NAA15: variants seen among roughly 807,000 people sequenced by gnomAD.
NAA15 encodes the protein N-terminal acetyltransferase.
Under a neutral mutation model 114.0 loss-of-function variants are expected in NAA15, and 34 were observed. The ratio of observed to expected loss-of-function variants is 0.30; its 90% confidence interval spans 0.23 to 0.40. The LOEUF (loss-of-function observed/expected upper bound fraction) is 0.40. Among genes scored for constraint, NAA15 ranks in the 10% least tolerant of loss-of-function variants. The pLI, the probability that NAA15 is intolerant of heterozygous loss-of-function variation, is 1.00. For missense variants in NAA15, 658 were observed against 1,004.5 expected (o/e 0.66, Z 4.66); for synonymous variants, 340 against 338.0 (o/e 1.01, Z -0.06).
intron 14 of NAA15, among the ~76,000 whole-genome samples, chr4:139,368,318 T>G (rs1748341427): frequency 6.6e-6 from 1 of 152,198 alleles, no homozygotes; most frequent in Non-Finnish European, 1.5e-5. Context: ...GGTTCATGCC[T>G]GTAGTCCTAA....
intron 7 of NAA15, among the ~76,000 whole-genome samples, chr4:139,350,931 T>C (rs981254235): frequency 6.6e-6 from 1 of 152,058 alleles, no homozygotes; most frequent in Admixed American, 6.6e-5. Flanking sequence ...AACCAAGGCT[T>C]TTTCAGAACT....
chr4:139,319,802 T>A (rs1033639064), intron 1 of NAA15, among the ~76,000 whole-genome samples: 2 of 152,228 alleles, frequency 1.3e-5, no homozygotes. Flanking sequence ...AGCTCAGCTG[T>A]GGTGCTGATG....
At chr4:139,335,208 C>G (rs1747159568) in intron 2 of NAA15, among the ~76,000 whole-genome samples, 1 of 152,094 alleles carries the variant, frequency 6.6e-6, no homozygotes, top group Non-Finnish European at 1.5e-5. Flanking sequence ...AAATTTATCT[C>G]TCTTTTTCCA....
intron 5 of NAA15, 95 bp from the exon 6 acceptor site, chr4:139,344,070 AGTTTTATCAACCGGATGTTAT>A: frequency 2.5e-6 from 2 of 809,280 alleles, no homozygotes; most frequent in Non-Finnish European, 1.9e-6. Context: ...TTTAAAAATT[AGTTTTATCAACCGGATGTTAT>A]CCTTTGACTT....
chr4:139,306,852 C>G (rs1265433201), intron 1 of NAA15, among the ~76,000 whole-genome samples: 2 of 152,136 alleles, frequency 1.3e-5, no homozygotes, highest in Non-Finnish European at 2.9e-5. Flanking sequence ...ATGGACATAT[C>G]CTAATGCCTT....
intron 1 of NAA15, among the ~76,000 whole-genome samples, chr4:139,311,829 GGGTGCATGCCAGTTACTCAGGAGTCT>G (rs1215052602): frequency 6.6e-6 from 1 of 151,788 alleles, no homozygotes; most frequent in Non-Finnish European, 1.5e-5. Flanking sequence ...CTGGGCGCAG[GGGTGCATGCCAGTTACTCAGGAGTCT>G]GAGGCAGCAA....
intron 1 of NAA15, among the ~76,000 whole-genome samples, chr4:139,311,568 CATA>C (rs1290110456): frequency 1.3e-5 from 2 of 151,768 alleles, no homozygotes; most frequent in Non-Finnish European, 2.9e-5. Flanking sequence ...ATCACAAAAG[CATA>C]ATAAGAGGAA....
At chr4:139,377,514 G>C (rs1023292259) in intron 16 of NAA15, among the ~76,000 whole-genome samples, 2 of 150,918 alleles carry the variant, frequency 1.3e-5, no homozygotes, top group Non-Finnish European at 2.9e-5. Context: ...CTCCAGCCTG[G>C]GAAACAAGAA....
At chr4:139,350,349 G>T (rs574982223) in intron 7 of NAA15, among the ~76,000 whole-genome samples, 25 of 152,346 alleles carry the variant, frequency 1.6e-4, no homozygotes, top group African/African-American at 5.0e-4. Context: ...TCTGTGGTAA[G>T]CTGTGGCTGC....
At chr4:139,309,728 C>A (rs909428868) in intron 1 of NAA15, among the ~76,000 whole-genome samples, 1 of 152,008 alleles carries the variant, frequency 6.6e-6, no homozygotes, top group African/African-American at 2.4e-5. Context: ...TTTAAAAATT[C>A]TTTTGCGTCA....
chr4:139,374,156 A>G (rs367821720), intron 15 of NAA15, among the ~76,000 whole-genome samples: 20 of 152,190 alleles, frequency 1.3e-4, no homozygotes, highest in Non-Finnish European at 2.9e-4. Flanking sequence ...CCTTTACAAC[A>G]TATCTTAATA....
intron 14 of NAA15, among the ~76,000 whole-genome samples, chr4:139,364,666 A>G (rs1232099212): frequency 6.6e-6 from 1 of 152,246 alleles, no homozygotes; most frequent in Admixed American, 6.5e-5. Flanking sequence ...TATTGACATC[A>G]GTACACAGAT....
chr4:139,386,325 CATT>C, intron 19 of NAA15, 95 bp downstream of exon 19: 1 of 596,382 alleles, frequency 1.7e-6, no homozygotes, highest in East Asian at 3.0e-5. Flanking sequence ...TTTTTTAAAT[CATT>C]ATGAATCTGG....
chr4:139,354,868 A>T (rs1747893666), intron 10 of NAA15, among the ~76,000 whole-genome samples: 1 of 152,058 alleles, frequency 6.6e-6, no homozygotes, highest in Non-Finnish European at 1.5e-5. Flanking sequence ...CCATTCTCAT[A>T]CCTGAAAATT....
At chr4:139,317,685 G>A (rs1746459914) in intron 1 of NAA15, among the ~76,000 whole-genome samples, 1 of 152,134 alleles carries the variant, frequency 6.6e-6, no homozygotes, top group South Asian at 2.1e-4. Context: ...CTTAATCTGT[G>A]TTTTTTATGT....
intron 1 of NAA15, among the ~76,000 whole-genome samples, chr4:139,308,257 G>A (rs1420291622): frequency 1.3e-5 from 2 of 151,976 alleles, no homozygotes; most frequent in African/African-American, 2.4e-5. Context: ...CACCGCGCCC[G>A]GCCCATTGTA....
rs1218946770 is a variant in NAA15 at position 139,339,751 on chromosome 4, AAAAC to A, written c.245-1150_245-1147del. On this transcript the variant is annotated intron_variant, in intron 3 of 19. Coordinates refer to ENST00000296543, the MANE Select transcript of NAA15 (RefSeq NM_057175.5). The stretch of plus-strand genomic sequence containing the variant: ...GGTGACAGAGCGAGACTCCATCTCA[AAAAC>A]AAACAAACAACAACAACAACAACAA... 1.7e-3 allele frequency among the ~76,000 whole-genome samples: 266 copies of A among 152,236 alleles called. 2 individuals carry two copies. Among genetic ancestry groups the A allele is most frequent in the African/African-American group, 4.2e-3 (174 of 41,522 alleles).
At chr4:139,334,373 A>C in intron 2 of NAA15, 115 bp downstream of exon 2, 1 of 553,178 alleles carries the variant, frequency 1.8e-6, no homozygotes. Context: ...CTCATCTTTG[A>C]CTTCTGTGAG....
At chr4:139,387,048 A>C (rs979506933) in intron 19 of NAA15, among the ~76,000 whole-genome samples, 3 of 152,214 alleles carry the variant, frequency 2.0e-5, no homozygotes, top group Non-Finnish European at 4.4e-5. Context: ...ATAGCAAATG[A>C]AGGCAGTATC....
Sources: allele counts gnomAD v4.1 joint callset (sites outside exome capture counted in the v4.1 genomes callset), GRCh38; gene constraint gnomAD v4.1.1; transcripts MANE v1.5; gene names NCBI Gene and HGNC (gene_info 2026-07-23, HGNC 2026-07-21).